COX10: variants seen among roughly 807,000 people sequenced by gnomAD.
COX10 encodes cytochrome c oxidase assembly factor heme A:farnesyltransferase COX10.
COX10 carries 27 observed loss-of-function variants against 37.3 expected under a neutral mutation model. That is an observed-to-expected ratio of 0.72 (90% CI 0.53 to 1.00). The LOEUF (loss-of-function observed/expected upper bound fraction) is 1.00, where lower values mean the gene tolerates loss of function less well. Ranked by LOEUF, COX10 falls within the 50% of genes least tolerant of loss-of-function variation. The pLI is 0.00. For synonymous variants in COX10, 222 were observed against 229.1 expected (o/e 0.97, Z 0.28); for missense variants, 475 against 563.2 (o/e 0.84, Z 1.59).
Position 14,207,193 on chromosome 17 carries a change from G to A in COX10, c.1312G>A (p.Ala438Thr), listed in dbSNP as rs868542723. The A allele has an allele frequency of 3.1e-6, 5 of 1,598,414 alleles. No homozygotes were observed. The African/African-American group carries it at 4.0e-5, about 13-fold the overall frequency. Residue 438 changes from alanine (A) to threonine (T), a missense_variant, in exon 7 of 7, where the codon GCA (alanine) becomes ACA (threonine). Coordinates refer to ENST00000261643, the MANE Select transcript of COX10 (RefSeq NM_001303.4). The part of the protein sequence containing the change: ...TCKRPSGGGD[A>T]GPPPS ...CAAGCGGCCGAGCGGAGGCGGGGACGCAGGGCCCCCTCCCAGCTGAGAGCA... is the reference window on the plus strand; with the variant it reads ...CAAGCGGCCGAGCGGAGGCGGGGACACAGGGCCCCCTCCCAGCTGAGAGCA...
At chr17:14,108,225 A>G (rs991563629) in intron 4 of COX10, among the ~76,000 whole-genome samples, 1 of 152,204 alleles carries the variant, frequency 6.6e-6, no homozygotes, top group Non-Finnish European at 1.5e-5. Context: ...AGTGTTCATG[A>G]TAACACTAAT....
intron 5 of COX10, among the ~76,000 whole-genome samples, chr17:14,172,588 T>C (rs1353887701): frequency 6.8e-6 from 1 of 146,036 alleles, no homozygotes. Flanking sequence ...CTTTTTTTTT[T>C]TTTTTTTTTT....
At chr17:14,103,548 C>G (rs960066908) in intron 4 of COX10, among the ~76,000 whole-genome samples, 1 of 151,968 alleles carries the variant, frequency 6.6e-6, no homozygotes, top group African/African-American at 2.4e-5. Flanking sequence ...AAAATATGGA[C>G]ATTCAGAGAA....
At chr17:14,159,807 C>A in intron 4 of COX10, 70 bp from the exon 5 acceptor site, 3 of 1,159,920 alleles carry the variant, frequency 2.6e-6, no homozygotes, top group South Asian at 1.3e-5. Context: ...AAAAAATGTT[C>A]AGTACTAAAG....
At chr17:14,193,483 A>AT (rs1906273823) in intron 6 of COX10, among the ~76,000 whole-genome samples, 1 of 149,610 alleles carries the variant, frequency 6.7e-6, no homozygotes. Context: ...GAAATGGAAG[A>AT]TTTTGTTTGG....
chr17:14,192,637 C>A (rs1427835083), intron 6 of COX10, among the ~76,000 whole-genome samples: 2 of 152,146 alleles, frequency 1.3e-5, no homozygotes, highest in African/African-American at 4.8e-5. Context: ...CTCCTGTGTT[C>A]CCCTCTTATG....
chr17:14,145,999 A>C (rs1352018878), intron 4 of COX10, among the ~76,000 whole-genome samples: 1 of 152,108 alleles, frequency 6.6e-6, no homozygotes, highest in South Asian at 2.1e-4. Flanking sequence ...TTATTAGTTT[A>C]CCTAAAGAGG....
chr17:14,153,449 A>G (rs964328421), intron 4 of COX10, among the ~76,000 whole-genome samples: 7 of 152,248 alleles, frequency 4.6e-5, no homozygotes, highest in African/African-American at 1.7e-4. Context: ...ATTCATGTAT[A>G]CAAATACAGT....
At chr17:14,074,571 T>C in intron 2 of COX10, 115 bp downstream of exon 2, 2 of 979,596 alleles carry the variant, frequency 2.0e-6, no homozygotes, top group Non-Finnish European at 3.3e-6. Flanking sequence ...AAAAGAACTT[T>C]TATTTAGTGT....
At chr17:14,153,559 T>A (rs1030328212) in intron 4 of COX10, among the ~76,000 whole-genome samples, 4 of 152,228 alleles carry the variant, frequency 2.6e-5, no homozygotes, top group African/African-American at 9.6e-5. Context: ...TTTCTTCTGA[T>A]AGCCAGTCCC....
intron 6 of COX10, among the ~76,000 whole-genome samples, chr17:14,202,517 G>A (rs997594938): frequency 3.0e-4 from 45 of 152,112 alleles, no homozygotes; most frequent in African/African-American, 9.9e-4. Flanking sequence ...TCTATAAGAT[G>A]ATGATGATGA....
At chr17:14,152,443 C>T (rs981082616) in intron 4 of COX10, among the ~76,000 whole-genome samples, 11 of 152,204 alleles carry the variant, frequency 7.2e-5, no homozygotes, top group African/African-American at 2.7e-4. Flanking sequence ...ATTCAGTTCT[C>T]TCCCACCAGG....
chr17:14,096,512 C>A (rs1037454769), intron 3 of COX10, among the ~76,000 whole-genome samples: 1 of 151,340 alleles, frequency 6.6e-6, no homozygotes, highest in Non-Finnish European at 1.5e-5. Context: ...GTAGCTATGA[C>A]TAAAGGCACA....
chr17:14,109,762 A>G (rs1220549796), intron 4 of COX10, among the ~76,000 whole-genome samples: 1 of 152,138 alleles, frequency 6.6e-6, no homozygotes, highest in Non-Finnish European at 1.5e-5. Context: ...CATCCTTGCC[A>G]CGGTGTAGTA....
At chr17:14,134,352 C>T (rs1391198576) in intron 4 of COX10, among the ~76,000 whole-genome samples, 1 of 151,414 alleles carries the variant, frequency 6.6e-6, no homozygotes, top group African/African-American at 2.4e-5. Flanking sequence ...TTTCTATCAG[C>T]TTTTTTTTCA....
At chr17:14,099,016 C>G (rs1215887191) in intron 3 of COX10, among the ~76,000 whole-genome samples, 1 of 152,118 alleles carries the variant, frequency 6.6e-6, no homozygotes, top group Non-Finnish European at 1.5e-5. Context: ...GCCATGCTAC[C>G]TTTCTCCTGA....
At chr17:14,182,931 C>T (rs1905909976) in intron 5 of COX10, among the ~76,000 whole-genome samples, 1 of 151,950 alleles carries the variant, frequency 6.6e-6, no homozygotes, top group Non-Finnish European at 1.5e-5. Context: ...AATAAATAGG[C>T]ACCAAATTAA....
intron 4 of COX10, among the ~76,000 whole-genome samples, chr17:14,133,161 C>T (rs994798272): frequency 6.6e-6 from 1 of 151,444 alleles, no homozygotes; most frequent in African/African-American, 2.4e-5. Flanking sequence ...AAAAATAAGC[C>T]AAGTTTATTA....
chr17:14,076,964 A>G lies in COX10; in HGVS notation c.407A>G (p.Glu136Gly). 1 of 1,614,240 alleles carries G rather than the reference A, an allele frequency of 6.2e-7. No individual in the cohort carries two copies. Among genetic ancestry groups the G allele is most frequent in the Non-Finnish European group, 8.5e-7 (1 of 1,180,038 alleles). ...VIEDSIDVGK[E>G]TKEEKRWKEM... ...GAAGACTCAATAGATGTAGGGAAAG[A>G]GACAAAAGAGGAAAAGCGGTGGAAA... The change falls in exon 3 of 7, where the codon GAG (glutamate) becomes GGG (glycine). Residue 136 changes from glutamate (E) to glycine (G), a missense_variant. Coordinates refer to ENST00000261643, the MANE Select transcript of COX10 (RefSeq NM_001303.4).
Sources: gnomAD v4.1 joint callset for allele counts (sites outside exome capture counted in the v4.1 genomes callset) on GRCh38, gnomAD v4.1.1 for gene constraint, MANE v1.5 for transcripts, NCBI Gene and HGNC (gene_info 2026-07-23, HGNC 2026-07-21) for gene names.